GCLM: variants seen among roughly 807,000 people sequenced by gnomAD.
GCLM encodes the protein glutamate-cysteine ligase modifier subunit.
GCLM carries 15 observed loss-of-function variants against 36.0 expected under a neutral mutation model. The ratio of observed to expected loss-of-function variants is 0.42; its 90% CI spans 0.28 to 0.64. The LOEUF (loss-of-function observed/expected upper bound fraction) is 0.64, where lower values mean the gene tolerates loss of function less well. Ranked by LOEUF, GCLM falls within the 30% of genes least tolerant of loss-of-function variation. The probability of loss-of-function intolerance (pLI) is 0.25; values close to 1 mark genes in which losing one functional copy is unlikely to be tolerated. For missense variants in GCLM, 242 were observed against 325.5 expected (o/e 0.74, Z 1.97); for synonymous variants, 129 against 122.8 (o/e 1.05, Z -0.34).
intron 3 of GCLM, among the ~76,000 whole-genome samples, chr1:93,900,329 T>G (rs1656902827): frequency 6.6e-6 from 1 of 151,344 alleles, no homozygotes; most frequent in Non-Finnish European, 1.5e-5. Context: ...GGGAGAATTT[T>G]GATACCTATA....
In GCLM at chr1:93,909,119, G is replaced by T. The variant is rs1278429942; in HGVS notation, c.45C>A (p.Ala15=). 7.0e-7 allele frequency: 1 copy of T among 1,430,300 alleles called. No individual in the cohort carries two copies. Among genetic ancestry groups the T allele is most frequent in the Admixed American group, 2.5e-5 (1 of 39,486 alleles). The allele number at this position is 1,430,300 out of a possible 1,614,324, so 88.6% of individuals were successfully genotyped here. A position where few individuals can be genotyped will look rare whatever the true frequency, so the allele number is the denominator to read the frequency against. ...SRAAKALLAR[A]RTLHLQTGNL... ...TCCCCGTCTGCAGGTGCAGGGTGCG[G>T]GCCCGCGCCAGGAGCGCCTTGGCCG... Residue 15 remains alanine (A), a synonymous_variant, in exon 1 of 7, where the codon GCC becomes GCA. Transcript: ENST00000370238.
chr1:93,909,040 C>T lies in GCLM; in HGVS notation c.124G>A (p.Glu42Lys). The change falls in exon 1 of 7, where the codon GAG becomes AAG. Residue 42 changes from glutamate to lysine, a missense_variant and splice_region_variant. Coordinates refer to ENST00000370238, the MANE Select transcript of GCLM (RefSeq NM_002061.4). ...GCGGCGAGTGTCGCCACGCTCACCT[C>T]CTCGCTGTGCGTGGACGGGCACTTC... is the stretch of plus-strand genomic sequence containing the variant. The part of the protein sequence containing the change: ...RKKCPSTHSE[E>K]LHDCIQKTLN... 6.8e-7 allele frequency: 1 copy of T among 1,469,306 alleles called. No homozygotes were observed. The highest frequency in any genetic ancestry group is 9.0e-7 in the Non-Finnish European group (1 of 1,115,748). 91.0% of individuals were successfully genotyped at this position (1,469,306 alleles called of 1,614,324 possible). A position where few individuals can be genotyped will look rare whatever the true frequency, so the allele number is the denominator to read the frequency against.
chr1:93,889,161 T>TG lies in GCLM; in HGVS notation c.656-3_656-2insC, dbSNP rs771337548. 1.3e-6 allele frequency: 2 copies of TG among 1,554,548 alleles called. No homozygotes were observed. Among genetic ancestry groups the TG allele is most frequent in the East Asian group, 4.7e-5 (2 of 42,786 alleles). On this transcript the variant is annotated splice_polypyrimidine_tract_variant and splice_region_variant and intron_variant, in intron 6 of 6. Coordinates refer to ENST00000370238, the MANE Select transcript of GCLM (RefSeq NM_002061.4). ...GGAAACTTGCTTCAGAAAGCAGTTCTAAAAGAAACAACAACAAACAAAACT... is the reference window on the plus strand; with the variant it reads ...GGAAACTTGCTTCAGAAAGCAGTTCTGAAAAGAAACAACAACAAACAAAACT...
intron 2 of GCLM, chr1:93,904,311 G>A (rs1471596732): frequency 4.0e-5 from 21 of 526,528 alleles, no homozygotes; most frequent in Non-Finnish European, 6.8e-6. Context: ...GAGAATCCTA[G>A]TATCTTGTCT....
At chr1:93,891,769 C>T (rs6702045) in intron 6 of GCLM, among the ~76,000 whole-genome samples, 1 of 152,012 alleles carries the variant, frequency 6.6e-6, no homozygotes, top group Non-Finnish European at 1.5e-5. Context: ...GCTAAAGGAC[C>T]CACCTACTCC....
intron 6 of GCLM, among the ~76,000 whole-genome samples, chr1:93,891,369 T>G (rs939938215): frequency 6.6e-6 from 1 of 152,112 alleles, no homozygotes; most frequent in Non-Finnish European, 1.5e-5. Context: ...TGAACACACT[T>G]TTTCCAGATA....
At chr1:93,904,200 A>T (rs1482895853) in intron 2 of GCLM, 1 of 299,364 alleles carries the variant, frequency 3.3e-6, no homozygotes, top group African/African-American at 2.2e-5. Flanking sequence ...AGTCTACTAA[A>T]GCAATCTACC....
At chr1:93,905,135 T>G (rs1657099587) in intron 1 of GCLM, among the ~76,000 whole-genome samples, 1 of 150,136 alleles carries the variant, frequency 6.7e-6, no homozygotes, top group Non-Finnish European at 1.5e-5. Flanking sequence ...ATGATGCCAT[T>G]TCATTCCAGC....
chr1:93,906,839 AT>A (rs1319091590), intron 1 of GCLM, among the ~76,000 whole-genome samples: 2 of 152,172 alleles, frequency 1.3e-5, no homozygotes, highest in Non-Finnish European at 2.9e-5. Context: ...TTGTATAAGA[AT>A]TTTTTAAATA....
intron 3 of GCLM, among the ~76,000 whole-genome samples, chr1:93,899,761 A>C (rs542929741): frequency 7.5e-4 from 114 of 152,290 alleles, no homozygotes; most frequent in Non-Finnish European, 1.5e-3. Context: ...ATACCTACCC[A>C]AGACCACATT....
intron 6 of GCLM, among the ~76,000 whole-genome samples, 173 bp downstream of exon 6, chr1:93,894,441 A>G (rs1017057164): frequency 1.3e-5 from 2 of 152,234 alleles, no homozygotes; most frequent in African/African-American, 4.8e-5. Flanking sequence ...GTACAGAGAT[A>G]AAGTTTTCTG....
chr1:93,903,724 G>C (rs1321951840), intron 2 of GCLM, among the ~76,000 whole-genome samples: 1 of 152,118 alleles, frequency 6.6e-6, no homozygotes, highest in African/African-American at 2.4e-5. Flanking sequence ...AGGATAATGA[G>C]AAAATATTAG....
Position 93,909,053 on chromosome 1 carries a change from G to GGACGGGCAC in GCLM, c.102_110dup (p.Cys35_Ser37dup). 1 of 1,473,374 alleles carries GGACGGGCAC rather than the reference G, an allele frequency of 6.8e-7. No individual in the cohort carries two copies. Among genetic ancestry groups the GGACGGGCAC allele is most frequent in the Non-Finnish European group, 8.9e-7 (1 of 1,117,910 alleles). The allele number at this position is 1,473,374 out of a possible 1,614,324, so 91.3% of individuals were successfully genotyped here. On this transcript the variant is annotated inframe_insertion, in exon 1 of 7. Coordinates refer to ENST00000370238, the MANE Select transcript of GCLM (RefSeq NM_002061.4). ...CCACGCTCACCTCCTCGCTGTGCGT[G>GGACGGGCAC]GACGGGCACTTCTTCCGCAGGCGGC... is the stretch of plus-strand genomic sequence containing the variant.
At chr1:93,899,228 C>T (rs1656857713) in intron 3 of GCLM, among the ~76,000 whole-genome samples, 1 of 152,016 alleles carries the variant, frequency 6.6e-6, no homozygotes, top group Non-Finnish European at 1.5e-5. Flanking sequence ...CCTGCGCCAC[C>T]ATGCCTGGCT....
rs1403377905 is a variant in GCLM at position 93,886,154 on chromosome 1, T to C, written c.*2836A>G. The C allele has an allele frequency of 6.6e-6, 1 of 152,102 alleles. No individual in the cohort carries two copies. Among genetic ancestry groups the C allele is most frequent in the Admixed American group, 6.5e-5 (1 of 15,270 alleles). 9.4% of individuals were successfully genotyped at this position (152,102 alleles called of 1,614,324 possible). A position where few individuals can be genotyped will look rare whatever the true frequency, so the allele number is the denominator to read the frequency against. ...TAACAGAACAAATTCCAAGTTACAG[T>C]ACATTGTGTTAAAGTAAGGCTCCAC... On this transcript the variant is annotated 3_prime_UTR_variant, in exon 7 of 7. Coordinates refer to ENST00000370238, the MANE Select transcript of GCLM (RefSeq NM_002061.4).
intron 5 of GCLM, among the ~76,000 whole-genome samples, 188 bp from the exon 6 acceptor site, chr1:93,894,916 TAGTAATA>T (rs1427918323): frequency 1.3e-5 from 2 of 151,712 alleles, no homozygotes; most frequent in Admixed American, 1.3e-4. Flanking sequence ...CCCAGGTTAG[TAGTAATA>T]GGGAATAGGA....
intron 3 of GCLM, 123 bp from the exon 4 acceptor site, chr1:93,898,021 C>G (rs1656796543): frequency 6.5e-6 from 3 of 462,324 alleles, no homozygotes; most frequent in South Asian, 5.5e-5. Context: ...TTTTCCTTTC[C>G]CAGTCACATA....
At chr1:93,894,546 AT>A in intron 6 of GCLM, 67 bp downstream of exon 6, 2 of 842,352 alleles carry the variant, frequency 2.4e-6, no homozygotes. Flanking sequence ...AAAATTATGT[AT>A]CAACAAATAC....
At chr1:93,892,019 G>A (rs1381588078) in intron 6 of GCLM, among the ~76,000 whole-genome samples, 1 of 151,982 alleles carries the variant, frequency 6.6e-6, no homozygotes, top group Non-Finnish European at 1.5e-5. Flanking sequence ...GAACACAAAT[G>A]TCTCCTTGGA....
Sources: allele counts gnomAD v4.1 joint callset (sites outside exome capture counted in the v4.1 genomes callset), GRCh38; gene constraint gnomAD v4.1.1; transcripts MANE v1.5; gene names NCBI Gene and HGNC (gene_info 2026-07-23, HGNC 2026-07-21).